ROBO1: variants seen among roughly 807,000 people sequenced by gnomAD.
ROBO1 encodes the protein roundabout guidance receptor 1.
ROBO1 carries 149 observed loss-of-function variants against 195.9 expected under a neutral mutation model. That is an observed-to-expected ratio of 0.76 (90% confidence interval 0.67 to 0.87). ROBO1 has a LOEUF of 0.87. Ranked by LOEUF, ROBO1 falls within the 40% of genes least tolerant of loss-of-function variation. The pLI is 0.00. For synonymous variants in ROBO1, 816 were observed against 733.2 expected (o/e 1.11, Z -1.82); for missense variants, 1,933 against 2,068.3 (o/e 0.93, Z 1.27).
At chr3:78,690,376 C>G (rs2081145518) in intron 8 of ROBO1, among the ~76,000 whole-genome samples, 1 of 151,850 alleles carries the variant, frequency 6.6e-6, no homozygotes, top group South Asian at 2.1e-4. Flanking sequence ...TTCAAATGTC[C>G]TCTAACTTAT....
rs149590090 is a variant in ROBO1, at chr3:79,655,506, A to G, written c.-50-65545T>C. On this transcript the variant is annotated intron_variant, in intron 1 of 30. Transcript: ENST00000464233. ...ATGTATGTTGGAGTATAGTTATCAA[A>G]TCTATCAATTTTTAGAGCTCTGATA... Among the ~76,000 whole-genome samples the G allele has an allele frequency of 2.2e-3, 339 of 152,252 alleles. 2 individuals carry two copies. The highest frequency in any genetic ancestry group is 3.8e-3 in the Non-Finnish European group (257 of 67,990).
At chr3:79,123,379 A>G (rs905568087) in intron 3 of ROBO1, among the ~76,000 whole-genome samples, 1 of 151,994 alleles carries the variant, frequency 6.6e-6, no homozygotes, top group Non-Finnish European at 1.5e-5. Context: ...GGTAATTTTA[A>G]CTAATATTTT....
chr3:79,192,074 T>C (rs2081550743), intron 2 of ROBO1, among the ~76,000 whole-genome samples: 1 of 151,656 alleles, frequency 6.6e-6, no homozygotes, highest in African/African-American at 2.4e-5. Flanking sequence ...TTTAGGTTAA[T>C]AGATTGGTAG....
At chr3:78,714,635 A>C in intron 7 of ROBO1, 111 bp from the exon 8 acceptor site, 1 of 988,280 alleles carries the variant, frequency 1.0e-6, no homozygotes, top group Non-Finnish European at 1.4e-6. Context: ...TGATAACTTA[A>C]AACAAAGAGT....
At chr3:79,128,955 T>G (rs2080270519) in intron 2 of ROBO1, among the ~76,000 whole-genome samples, 1 of 152,190 alleles carries the variant, frequency 6.6e-6, no homozygotes, top group Admixed American at 6.6e-5. Context: ...AGCTCCAGAT[T>G]TCATCCTGTT....
At chr3:79,253,279 T>G (rs1319530680) in intron 2 of ROBO1, among the ~76,000 whole-genome samples, 1 of 152,118 alleles carries the variant, frequency 6.6e-6, no homozygotes, top group Non-Finnish European at 1.5e-5. Context: ...AGACTCCAGA[T>G]GTACCATTAG....
At position 79,718,839 on chromosome 3, in the gene ROBO1, C is replaced by T. The variant is rs72899847; in HGVS notation, c.-51+48913G>A. Among the ~76,000 whole-genome samples the T allele has an allele frequency of 6.7e-3, 1,017 of 152,024 alleles. 12 individuals are homozygous for T. The highest frequency in any genetic ancestry group is 0.023 in the African/African-American group (951 of 41,508). ...AACTAATGACATTATATATTTATGG[C>T]TAAAACTTCAAGCCACTGTAAACAT... is the stretch of plus-strand genomic sequence containing the variant. On this transcript the variant is annotated intron_variant, in intron 1 of 30. Coordinates refer to ENST00000464233, the MANE Select transcript of ROBO1 (RefSeq NM_002941.4).
intron 1 of ROBO1, among the ~76,000 whole-genome samples, chr3:79,700,718 G>T (rs1372665393): frequency 1.3e-5 from 2 of 151,670 alleles, no homozygotes; most frequent in Non-Finnish European, 2.9e-5. Context: ...TTTTAATGGG[G>T]TTATTTGTTT....
chr3:78,629,743 T>A (rs1318180962), intron 25 of ROBO1, among the ~76,000 whole-genome samples: 1 of 152,160 alleles, frequency 6.6e-6, no homozygotes, highest in Non-Finnish European at 1.5e-5. Flanking sequence ...ATTCGCTGAC[T>A]TGGTGTAATT....
intron 1 of ROBO1, among the ~76,000 whole-genome samples, chr3:79,698,385 G>C (rs764195159): frequency 3.3e-5 from 5 of 151,290 alleles, no homozygotes; most frequent in African/African-American, 4.8e-5. Flanking sequence ...AGATAAGATA[G>C]GTAAGATAGA....
intron 1 of ROBO1, among the ~76,000 whole-genome samples, chr3:79,651,587 T>C (rs1946010022): frequency 6.6e-6 from 1 of 152,146 alleles, no homozygotes; most frequent in Non-Finnish European, 1.5e-5. Context: ...CAGCGGTGCA[T>C]GACGCAGTCA....
chr3:79,212,843 A>AAAATAAAATAAAAT, intron 2 of ROBO1, among the ~76,000 whole-genome samples: 1 of 114,396 alleles, frequency 8.7e-6, no homozygotes, highest in African/African-American at 5.0e-5. Context: ...TAAAATAAAT[A>AAAATAAAATAAAAT]AAATAAAATA....
Position 79,634,433 on chromosome 3 carries a change from C to A in ROBO1, c.-50-44472G>T, listed in dbSNP as rs372015183. On this transcript the variant is annotated intron_variant, in intron 1 of 30. Transcript: ENST00000464233. ...AGGTTATACTTTGTAATTCTGCCAA[C>A]ATTCAACAGTCTTAATATTTCCCAA... Among the ~76,000 whole-genome samples the A allele has an allele frequency of 3.3e-5, 5 of 151,838 alleles. No homozygotes were observed. In the South Asian group the frequency reaches 1.0e-3, roughly 31 times the overall value.
rs1245120637 is a variant in ROBO1 at position 79,072,700 on chromosome 3, A to G, written c.172+52756T>C. ...ACAGGATAAAATTTTTATGTACTGTATCCATTTGTAATCAGTTTATTGAGT... is the reference window on the plus strand; with the variant it reads ...ACAGGATAAAATTTTTATGTACTGTGTCCATTTGTAATCAGTTTATTGAGT... On this transcript the variant is annotated intron_variant, in intron 3 of 30. Coordinates refer to ENST00000464233, the MANE Select transcript of ROBO1 (RefSeq NM_002941.4). 2.0e-5 allele frequency among the ~76,000 whole-genome samples: 3 copies of G among 152,002 alleles called. No individual in the cohort carries two copies. The East Asian group carries it at 5.8e-4, about 29-fold the overall frequency.
intron 2 of ROBO1, among the ~76,000 whole-genome samples, chr3:79,390,738 G>C (rs1303686162): frequency 1.3e-5 from 2 of 152,108 alleles, no homozygotes; most frequent in African/African-American, 2.4e-5. Flanking sequence ...TGAGGAGATA[G>C]AGGAGATTGG....
At chr3:79,224,270 T>C (rs1167048639) in intron 2 of ROBO1, among the ~76,000 whole-genome samples, 1 of 152,224 alleles carries the variant, frequency 6.6e-6, no homozygotes, top group Non-Finnish European at 1.5e-5. Context: ...AAGTGGGATG[T>C]TGAGAAGTTA....
intron 2 of ROBO1, among the ~76,000 whole-genome samples, chr3:79,531,544 T>C (rs1197820355): frequency 6.6e-6 from 1 of 152,188 alleles, no homozygotes; most frequent in African/African-American, 2.4e-5. Context: ...AAAAATTGGT[T>C]GAGCCTGGGA....
intron 3 of ROBO1, among the ~76,000 whole-genome samples, chr3:79,100,790 G>A (rs1478577342): frequency 4.6e-5 from 7 of 151,718 alleles, no homozygotes; most frequent in Admixed American, 3.3e-4. Flanking sequence ...GCAGAAGGGC[G>A]GTTTGAAGGG....
At chr3:79,626,918 T>C (rs1945197682) in intron 1 of ROBO1, among the ~76,000 whole-genome samples, 1 of 151,772 alleles carries the variant, frequency 6.6e-6, no homozygotes, top group Non-Finnish European at 1.5e-5. Flanking sequence ...AAAAAGACAA[T>C]AGACTACCTA....
Sources: allele counts gnomAD v4.1 joint callset (sites outside exome capture counted in the v4.1 genomes callset), GRCh38; gene constraint gnomAD v4.1.1; transcripts MANE v1.5; gene names NCBI Gene and HGNC (gene_info 2026-07-23, HGNC 2026-07-21).